Variants in STON2 observed in about 807,000 individuals in gnomAD.
STON2 encodes the protein stonin 2, also known as stonin-2.
STON2 carries 29 observed loss-of-function variants against 65.7 expected under a neutral mutation model. The observed-to-expected ratio is 0.44, with a 90% CI of 0.33 to 0.60. The LOEUF is 0.60. Ranked by LOEUF, STON2 falls within the 20% of genes least tolerant of loss-of-function variation. STON2 has a pLI of 0.03. For missense variants in STON2, 1,054 were observed against 1,118.1 expected (o/e 0.94, Z 0.82); for synonymous variants, 404 against 414.2 (o/e 0.98, Z 0.30).
intron 2 of STON2, among the ~76,000 whole-genome samples, chr14:81,397,096 A>G (rs1900362941): frequency 6.6e-6 from 1 of 152,204 alleles, no homozygotes; most frequent in African/African-American, 2.4e-5. Flanking sequence ...TATCCTGATT[A>G]TGGTGGTAGA....
rs895165958 is a variant in STON2 at position 81,352,297 on chromosome 14, G to A, written c.571+18691C>T. On this transcript the variant is annotated intron_variant, in intron 4 of 7. Transcript: ENST00000614646. ...ATCTGTCACAACTATAATGTGCTAC[G>A]GAAACATCTATGCTTTCTGTTGGTG... Among the ~76,000 whole-genome samples, 10 of 152,104 alleles carry A rather than the reference G, an allele frequency of 6.6e-5. No homozygotes were observed. The East Asian group carries it at 9.6e-4, about 15-fold the overall frequency.
At position 81,265,318 on chromosome 14, in the gene STON2, A is replaced by C. The variant is rs1894314521; in HGVS notation, c.*3096T>G. 8.1e-6 allele frequency: 8 copies of C among 984,622 alleles called. No homozygotes were observed. Among genetic ancestry groups the C allele is most frequent in the Non-Finnish European group, 8.4e-6 (7 of 829,242 alleles). The allele number at this position is 984,622 out of a possible 1,614,324, so 61.0% of individuals were successfully genotyped here. On this transcript the variant is annotated 3_prime_UTR_variant, in exon 8 of 8. Transcript: ENST00000614646. Reference sequence around the variant, plus strand: ...AGTTTCCTAAAAACAGTAGAGGGAAAACAAATTTGATGAAATTAAGATGTT... The same window carrying C: ...AGTTTCCTAAAAACAGTAGAGGGAACACAAATTTGATGAAATTAAGATGTT...
At chr14:81,285,662 T>C (rs977592837) in intron 5 of STON2, among the ~76,000 whole-genome samples, 1 of 152,140 alleles carries the variant, frequency 6.6e-6, no homozygotes, top group Admixed American at 6.5e-5. Flanking sequence ...TAGAATCTAC[T>C]CCTGGTGAAG....
chr14:81,300,214 T>C (rs1895919038), intron 5 of STON2, among the ~76,000 whole-genome samples: 3 of 151,924 alleles, frequency 2.0e-5, no homozygotes, highest in African/African-American at 2.4e-5. Context: ...CAATAAAACA[T>C]CCTGGAGCAA....
intron 5 of STON2, among the ~76,000 whole-genome samples, chr14:81,284,114 C>A (rs1054794043): frequency 6.6e-6 from 1 of 152,220 alleles, no homozygotes; most frequent in Non-Finnish European, 1.5e-5. Flanking sequence ...TCCCCTATCT[C>A]TCTCTCTCTC....
intron 3 of STON2, among the ~76,000 whole-genome samples, chr14:81,384,503 T>C (rs11845649): frequency 0.029 from 4,093 of 141,026 alleles, 194 homozygotes; most frequent in African/African-American, 0.094. Context: ...ACCAAAGTGG[T>C]GGGATTACAG....
At chr14:81,371,226 G>C (rs767313208) in intron 3 of STON2, 41 bp from the exon 4 acceptor site, 1 of 1,560,862 alleles carries the variant, frequency 6.4e-7, no homozygotes, top group Non-Finnish European at 8.8e-7. Context: ...AATATAAATA[G>C]TTGTACTTTG....
chr14:81,361,012 A>C (rs1898469029), intron 4 of STON2, among the ~76,000 whole-genome samples: 1 of 152,214 alleles, frequency 6.6e-6, no homozygotes, highest in South Asian at 2.1e-4. Flanking sequence ...ATAAATGGAA[A>C]GATATCTTGT....
At chr14:81,379,322 A>G (rs545546416) in intron 3 of STON2, among the ~76,000 whole-genome samples, 2 of 152,226 alleles carry the variant, frequency 1.3e-5, no homozygotes, top group African/African-American at 4.8e-5. Flanking sequence ...CTAACAAAAA[A>G]TGTGCTAAGC....
At position 81,396,115 on chromosome 14, in the gene STON2, C is replaced by A. The variant is rs1241511565; in HGVS notation, c.152G>T (p.Gly51Val). The A allele has an allele frequency of 6.2e-7, 1 of 1,613,936 alleles. No individual in the cohort carries two copies. The highest frequency in any genetic ancestry group is 8.5e-7 in the Non-Finnish European group (1 of 1,180,018). ...GCCTCCATCCACCACATGGTTCTCCCCGGAGGAGCTCTCGGACTGGTCTGG... is the reference window on the plus strand; with the variant it reads ...GCCTCCATCCACCACATGGTTCTCCACGGAGGAGCTCTCGGACTGGTCTGG... ...SSPDQSESSS[G>V]ENHVVDGGSQ... is the part of the protein sequence containing the mutation. Residue 51 changes from glycine to valine, a missense_variant, in exon 3 of 8, where the codon GGG becomes GTG. Transcript: ENST00000614646.
At chr14:81,332,479 T>C (rs11623628) in intron 4 of STON2, among the ~76,000 whole-genome samples, 18,148 of 152,194 alleles carry the variant, frequency 0.12, 1,191 homozygotes, top group South Asian at 0.24. Flanking sequence ...CTTTTGGGGA[T>C]AGAAATTCCT....
At position 81,266,453 on chromosome 14, in the gene STON2, T is replaced by C. The variant is rs1008735300; in HGVS notation, c.*1961A>G. Among the ~76,000 whole-genome samples, 2 of 152,238 alleles carry C rather than the reference T, an allele frequency of 1.3e-5. No individual in the cohort carries two copies. Among genetic ancestry groups the C allele is most frequent in the Non-Finnish European group, 2.9e-5 (2 of 68,036 alleles). On this transcript the variant is annotated 3_prime_UTR_variant, in exon 8 of 8. Transcript: ENST00000614646. The stretch of plus-strand genomic sequence containing the variant: ...CAGCTATTGTATCATTCCCTCCTTG[T>C]CTGCACTCCCTTTCCAGCTATACCT...
At chr14:81,376,075 G>C (rs144866583) in intron 3 of STON2, among the ~76,000 whole-genome samples, 1 of 151,682 alleles carries the variant, frequency 6.6e-6, no homozygotes, top group South Asian at 2.1e-4. Flanking sequence ...AAGCAGTATT[G>C]TCAGCTTATA....
intron 4 of STON2, among the ~76,000 whole-genome samples, chr14:81,326,678 G>A (rs973348342): frequency 5.9e-5 from 9 of 152,142 alleles, no homozygotes; most frequent in African/African-American, 2.2e-4. Flanking sequence ...GAATTAAAAG[G>A]TCATTTGAGG....
intron 4 of STON2, among the ~76,000 whole-genome samples, chr14:81,360,788 A>G (rs1432051652): frequency 6.6e-6 from 1 of 152,192 alleles, no homozygotes; most frequent in South Asian, 2.1e-4. Flanking sequence ...GATTCCACCA[A>G]TAAACTGTTA....
intron 5 of STON2, among the ~76,000 whole-genome samples, chr14:81,279,473 G>A (rs1254097751): frequency 1.3e-5 from 2 of 152,090 alleles, no homozygotes; most frequent in African/African-American, 4.8e-5. Context: ...GGCAAATCAC[G>A]AGGTCAGGAA....
intron 5 of STON2, among the ~76,000 whole-genome samples, chr14:81,303,059 G>GT (rs1566897923): frequency 0.057 from 5,565 of 97,002 alleles, 179 homozygotes; most frequent in Non-Finnish European, 0.092. Flanking sequence ...ATGTGTGGGG[G>GT]GTGTGTGTGT....
intron 5 of STON2, among the ~76,000 whole-genome samples, chr14:81,315,800 T>A (rs1378933065): frequency 1.3e-5 from 2 of 152,244 alleles, no homozygotes; most frequent in Non-Finnish European, 2.9e-5. Flanking sequence ...GACATGGCCC[T>A]TGGCATTGAG....
chr14:81,372,337 T>C (rs1407059313), intron 3 of STON2, among the ~76,000 whole-genome samples: 1 of 152,066 alleles, frequency 6.6e-6, no homozygotes, highest in African/African-American at 2.4e-5. Context: ...GTGGATCACC[T>C]GAGGTCAGGA....
Sources: gnomAD v4.1 joint callset for allele counts (sites outside exome capture counted in the v4.1 genomes callset) on GRCh38, gnomAD v4.1.1 for gene constraint, MANE v1.5 for transcripts, NCBI Gene and HGNC (gene_info 2026-07-23, HGNC 2026-07-21) for gene names.